The following FER1L6 variants were observed in gnomAD, a reference collection of about 807,000 sequenced individuals.
The protein encoded by FER1L6 is fer-1-like protein 6.
In FER1L6, 177 loss-of-function variants were observed where a neutral mutation model predicts 219.2. The observed-to-expected ratio is 0.81, with a 90% CI of 0.71 to 0.91. The LOEUF (loss-of-function observed/expected upper bound fraction) is 0.91, where lower values mean the gene tolerates loss of function less well. Among genes scored for constraint, FER1L6 ranks in the 40% least tolerant of loss-of-function variants. FER1L6 has a pLI of 0.00. For synonymous variants in FER1L6, 768 were observed against 824.3 expected (o/e 0.93, Z 1.17); for missense variants, 2,153 against 2,259.9 (o/e 0.95, Z 0.96).
At chr8:123,879,511 G>A (rs551818457) in intron 1 of FER1L6, among the ~76,000 whole-genome samples, 2 of 152,022 alleles carry the variant, frequency 1.3e-5, no homozygotes, top group South Asian at 2.1e-4. Context: ...TATTTTAGTC[G>A]AGACGGGGTT....
In FER1L6 at chr8:123,998,373, A is replaced by ACTCTCTCTCTCTCTCTCTCTCT. The variant is rs746709688; in HGVS notation, c.1520-4763_1520-4742dup. ...CTTAGTTTCCCTCAAAAAGAGGGAA[A>ACTCTCTCTCTCTCTCTCTCTCT]CTCTCTCTCTCTCTCTCTCTCTCTC... On this transcript the variant is annotated intron_variant, in intron 12 of 40. Coordinates refer to ENST00000522917, the MANE Select transcript of FER1L6 (RefSeq NM_001039112.2). Among the ~76,000 whole-genome samples the ACTCTCTCTCTCTCTCTCTCTCT allele has an allele frequency of 9.2e-5, 3 of 32,478 alleles. 1 individual carries two copies. Among genetic ancestry groups the ACTCTCTCTCTCTCTCTCTCTCT allele is most frequent in the Non-Finnish European group, 6.5e-5 (1 of 15,354 alleles). 21.3% of individuals were successfully genotyped at this position (32,478 alleles called of 152,430 possible). A position where few individuals can be genotyped will look rare whatever the true frequency, so the allele number is the denominator to read the frequency against.
At chr8:124,051,804 G>A (rs1419661665) in intron 22 of FER1L6, among the ~76,000 whole-genome samples, 2 of 152,162 alleles carry the variant, frequency 1.3e-5, no homozygotes, top group Non-Finnish European at 2.9e-5. Context: ...CCTTGGGGTT[G>A]CACACGGCTA....
At chr8:123,930,641 T>C (rs1313116456) in intron 1 of FER1L6, among the ~76,000 whole-genome samples, 2 of 152,134 alleles carry the variant, frequency 1.3e-5, no homozygotes, top group African/African-American at 4.8e-5. Context: ...CCACGTTTTG[T>C]ATGAGTGGCC....
At chr8:123,903,675 C>G in intron 1 of FER1L6, among the ~76,000 whole-genome samples, 1 of 151,970 alleles carries the variant, frequency 6.6e-6, no homozygotes, top group East Asian at 1.9e-4. Context: ...AGAATCAGCA[C>G]AATGTCAGGC....
At chr8:123,987,574 G>A (rs376070599) in intron 12 of FER1L6, among the ~76,000 whole-genome samples, 4 of 152,272 alleles carry the variant, frequency 2.6e-5, no homozygotes, top group South Asian at 2.1e-4. Context: ...TGCTTGTGGT[G>A]TATTACTCAA....
chr8:123,958,033 T>C (rs964658558), intron 2 of FER1L6, among the ~76,000 whole-genome samples: 54 of 152,218 alleles, frequency 3.5e-4, no homozygotes, highest in African/African-American at 1.3e-3. Context: ...GGCATTGTAG[T>C]TACATCTTAA....
chr8:123,962,856 G>T (rs554292055), intron 2 of FER1L6, among the ~76,000 whole-genome samples: 2 of 152,218 alleles, frequency 1.3e-5, no homozygotes, highest in Non-Finnish European at 2.9e-5. Flanking sequence ...TCAAACTCCT[G>T]TCCTCAGGTG....
intron 34 of FER1L6, among the ~76,000 whole-genome samples, chr8:124,093,658 T>G (rs1822147632): frequency 6.6e-6 from 1 of 151,648 alleles, no homozygotes; most frequent in East Asian, 1.9e-4. Flanking sequence ...TTTTGCCCAC[T>G]AGAAGTCTGA....
chr8:123,917,770 T>C (rs780817827), intron 1 of FER1L6, among the ~76,000 whole-genome samples: 1 of 152,226 alleles, frequency 6.6e-6, no homozygotes, highest in Admixed American at 6.5e-5. Context: ...TATACACAAA[T>C]TGTATCGCAT....
intron 31 of FER1L6, among the ~76,000 whole-genome samples, chr8:124,073,496 T>C (rs2130880007): frequency 6.6e-6 from 1 of 152,270 alleles, no homozygotes; most frequent in Admixed American, 6.5e-5. Flanking sequence ...AACCTTTTAA[T>C]TAAAAGAACA....
chr8:124,023,990 G>A (rs1412238501), intron 18 of FER1L6, among the ~76,000 whole-genome samples: 5 of 150,992 alleles, frequency 3.3e-5, no homozygotes, highest in African/African-American at 4.9e-5. Flanking sequence ...TCCGCCTCCC[G>A]GATTCAAGTG....
chr8:124,049,826 G>A (rs1208711822), intron 22 of FER1L6, 70 bp downstream of exon 22: 2 of 1,494,702 alleles, frequency 1.3e-6, no homozygotes, highest in African/African-American at 1.4e-5. Flanking sequence ...CACCACAAAT[G>A]CCACTTCAAT....
At chr8:123,936,492 CAG>C (rs1417719363) in intron 1 of FER1L6, among the ~76,000 whole-genome samples, 1 of 74,704 alleles carries the variant, frequency 1.3e-5, no homozygotes, top group Non-Finnish European at 2.6e-5. Flanking sequence ...TTTTTGTAAA[CAG>C]TGCTGAATTT....
chr8:123,959,474 G>C (rs1410662100), intron 2 of FER1L6, among the ~76,000 whole-genome samples: 1 of 152,196 alleles, frequency 6.6e-6, no homozygotes, highest in African/African-American at 2.4e-5. Flanking sequence ...CAGCTCTGCA[G>C]TGCTGTACTT....
chr8:123,893,896 T>A (rs1293249369), intron 1 of FER1L6, among the ~76,000 whole-genome samples: 1 of 152,206 alleles, frequency 6.6e-6, no homozygotes, highest in East Asian at 1.9e-4. Context: ...AGAAGAAAAC[T>A]GTAGTATTAG....
intron 37 of FER1L6, among the ~76,000 whole-genome samples, chr8:124,099,401 T>A (rs1822456399): frequency 1.3e-5 from 2 of 152,226 alleles, no homozygotes; most frequent in African/African-American, 2.4e-5. Context: ...TCCATTGGGT[T>A]GAGAACCCCA....
At chr8:124,031,690 G>T (rs934499566) in intron 18 of FER1L6, among the ~76,000 whole-genome samples, 5 of 152,166 alleles carry the variant, frequency 3.3e-5, no homozygotes, top group African/African-American at 1.2e-4. Context: ...TAACCTGGGG[G>T]TGAATGGGAC....
At chr8:124,038,857 C>T (rs1024163693) in intron 19 of FER1L6, among the ~76,000 whole-genome samples, 5 of 152,180 alleles carry the variant, frequency 3.3e-5, no homozygotes, top group Non-Finnish European at 7.3e-5. Context: ...GTATACCACT[C>T]CCCAAGTCTG....
intron 1 of FER1L6, among the ~76,000 whole-genome samples, chr8:123,937,985 A>T (rs2129971729): frequency 6.6e-6 from 1 of 152,364 alleles, no homozygotes; most frequent in African/African-American, 2.4e-5. Flanking sequence ...ATCTAAAAAT[A>T]GTTCTACTTA....
Sources: gnomAD v4.1 joint callset for allele counts (sites outside exome capture counted in the v4.1 genomes callset) on GRCh38, gnomAD v4.1.1 for gene constraint, MANE v1.5 for transcripts, NCBI Gene and HGNC (gene_info 2026-07-23, HGNC 2026-07-21) for gene names.